CACNA2D3: variants seen among roughly 807,000 people sequenced by gnomAD.
CACNA2D3 encodes the protein voltage-dependent calcium channel subunit alpha-2/delta-3.
In CACNA2D3, 60 loss-of-function variants were observed where a neutral mutation model predicts 160.6. The ratio of observed to expected loss-of-function variants is 0.37; its 90% CI spans 0.30 to 0.46. CACNA2D3 has a LOEUF of 0.46. Among genes scored for constraint, CACNA2D3 ranks in the 20% least tolerant of loss-of-function variants. The pLI is 1.00. For synonymous variants in CACNA2D3, 558 were observed against 492.9 expected (o/e 1.13, Z -1.75); for missense variants, 1,205 against 1,365.0 (o/e 0.88, Z 1.85).
intron 4 of CACNA2D3, among the ~76,000 whole-genome samples, chr3:54,472,029 C>T (rs1290631586): frequency 6.6e-6 from 1 of 152,142 alleles, no homozygotes; most frequent in Non-Finnish European, 1.5e-5. Context: ...AAAAGGGACT[C>T]CTCCCTAACA....
At chr3:55,008,434 G>A (rs1369631212) in intron 33 of CACNA2D3, among the ~76,000 whole-genome samples, 1 of 152,124 alleles carries the variant, frequency 6.6e-6, no homozygotes, top group Admixed American at 6.6e-5. Flanking sequence ...CAAAAGGGAA[G>A]AATTACATAG....
At position 54,581,727 on chromosome 3, in the gene CACNA2D3, G is replaced by A. The variant is rs1319514223; in HGVS notation, c.889-76G>A. 29 of 1,193,218 alleles carry A rather than the reference G, an allele frequency of 2.4e-5. No homozygotes were observed. In the East Asian group the frequency reaches 3.9e-4, roughly 16 times the overall value. 73.9% of individuals were successfully genotyped at this position (1,193,218 alleles called of 1,614,324 possible). A position where few individuals can be genotyped will look rare whatever the true frequency, so the allele number is the denominator to read the frequency against. Reference sequence around the variant, plus strand: ...TTGTGCCGCTTTTTTGTTTGTGTGCGTACCTCCTTAAATTATTAAGAAGTA... The same window carrying A: ...TTGTGCCGCTTTTTTGTTTGTGTGCATACCTCCTTAAATTATTAAGAAGTA... On this transcript the variant is annotated intron_variant, in intron 8 of 37. Coordinates refer to ENST00000474759, the MANE Select transcript of CACNA2D3 (RefSeq NM_018398.3).
intron 14 of CACNA2D3, among the ~76,000 whole-genome samples, chr3:54,836,604 A>G: frequency 6.6e-6 from 1 of 152,118 alleles, no homozygotes; most frequent in East Asian, 1.9e-4. Flanking sequence ...TAATAAAGTT[A>G]TTATTTAATT....
At chr3:54,265,272 C>T (rs939521824) in intron 2 of CACNA2D3, among the ~76,000 whole-genome samples, 1 of 152,134 alleles carries the variant, frequency 6.6e-6, no homozygotes, top group African/African-American at 2.4e-5. Flanking sequence ...TTAATGATTA[C>T]TATTCTAACA....
At chr3:54,159,339 G>A (rs1441683380) in intron 2 of CACNA2D3, among the ~76,000 whole-genome samples, 1 of 151,598 alleles carries the variant, frequency 6.6e-6, no homozygotes, top group Non-Finnish European at 1.5e-5. Context: ...GTGATCATTT[G>A]GTATGTACAA....
intron 27 of CACNA2D3, among the ~76,000 whole-genome samples, chr3:54,955,065 C>T (rs1047714116): frequency 3.9e-5 from 6 of 152,026 alleles, no homozygotes; most frequent in African/African-American, 1.2e-4. Context: ...GACAAAAGAC[C>T]GATTAGTAGG....
chr3:54,797,891 A>C (rs947584734), intron 13 of CACNA2D3, among the ~76,000 whole-genome samples: 5 of 152,228 alleles, frequency 3.3e-5, no homozygotes, highest in African/African-American at 4.8e-5. Flanking sequence ...ATTATTGTTA[A>C]GTAAAAATAA....
At chr3:54,748,269 T>A (rs1273145449) in intron 11 of CACNA2D3, among the ~76,000 whole-genome samples, 1 of 152,224 alleles carries the variant, frequency 6.6e-6, no homozygotes, top group Non-Finnish European at 1.5e-5. Context: ...AAAATTTGAT[T>A]CATTATCTTT....
At chr3:54,166,778 C>T (rs563487690) in intron 2 of CACNA2D3, among the ~76,000 whole-genome samples, 1 of 152,252 alleles carries the variant, frequency 6.6e-6, no homozygotes, top group East Asian at 1.9e-4. Flanking sequence ...ATGAGACTTC[C>T]ATGACAATAT....
At chr3:54,584,108 A>C (rs993728385) in intron 9 of CACNA2D3, among the ~76,000 whole-genome samples, 4 of 152,148 alleles carry the variant, frequency 2.6e-5, no homozygotes, top group African/African-American at 4.8e-5. Context: ...ATGACTGCTA[A>C]GAGAAAAGAT....
At chr3:54,953,734 G>A (rs1351360062) in intron 27 of CACNA2D3, among the ~76,000 whole-genome samples, 3 of 152,200 alleles carry the variant, frequency 2.0e-5, no homozygotes, top group Admixed American at 6.5e-5. Context: ...GGGCAACCTC[G>A]GGCTCCTGCC....
chr3:54,627,985 C>A lies in CACNA2D3; in HGVS notation c.1053+109C>A, dbSNP rs368138598. 5.6e-5 allele frequency: 42 copies of A among 749,710 alleles called. 1 individual carries two copies. Among genetic ancestry groups the A allele is most frequent in the African/African-American group, 3.5e-4 (20 of 57,766 alleles). The allele number at this position is 749,710 out of a possible 1,614,324, so 46.4% of individuals were successfully genotyped here. On this transcript the variant is annotated intron_variant, in intron 10 of 37. Transcript: ENST00000474759. The stretch of plus-strand genomic sequence containing the variant: ...CTGTGGTTCAGACCTTTAATCCCAG[C>A]CCTTTGGGAGGCCGAGATGGGCGGA...
At chr3:54,725,806 A>G (rs1360090988) in intron 11 of CACNA2D3, among the ~76,000 whole-genome samples, 3 of 152,196 alleles carry the variant, frequency 2.0e-5, no homozygotes, top group Non-Finnish European at 4.4e-5. Flanking sequence ...GTCCAATATC[A>G]TACTGAATGG....
intron 2 of CACNA2D3, among the ~76,000 whole-genome samples, chr3:54,216,049 C>T (rs1701457068): frequency 6.6e-6 from 1 of 152,126 alleles, no homozygotes; most frequent in African/African-American, 2.4e-5. Context: ...GTGGTCTTCA[C>T]TGTTCTTGAG....
At chr3:54,529,995 T>C (rs1360182289) in intron 5 of CACNA2D3, among the ~76,000 whole-genome samples, 1 of 152,146 alleles carries the variant, frequency 6.6e-6, no homozygotes, top group African/African-American at 2.4e-5. Context: ...TTGCAGTCCA[T>C]TGTAGACCCA....
At chr3:55,045,318 G>T (rs1333396783) in intron 35 of CACNA2D3, among the ~76,000 whole-genome samples, 1 of 152,176 alleles carries the variant, frequency 6.6e-6, no homozygotes, top group Non-Finnish European at 1.5e-5. Context: ...CCAAAGTGCT[G>T]GGATTACAGG....
At chr3:54,576,311 T>C (rs559615550) in intron 8 of CACNA2D3, among the ~76,000 whole-genome samples, 1 of 152,296 alleles carries the variant, frequency 6.6e-6, no homozygotes, top group Admixed American at 6.5e-5. Flanking sequence ...CACCTGAGCC[T>C]GTGTATGCTG....
In CACNA2D3 at chr3:54,142,191, G is replaced by A. The variant is rs57667949; in HGVS notation, c.204+18597G>A. Among the ~76,000 whole-genome samples, 2,339 of 152,256 alleles carry A rather than the reference G, an allele frequency of 0.015. 156 individuals are homozygous for A. In the East Asian group the frequency reaches 0.23, roughly 15 times the overall value. On this transcript the variant is annotated intron_variant, in intron 2 of 37. Transcript: ENST00000474759. ...TGACCCTTTCCTGTCCTGGTCCAGCGTCACCCTCACTGCTCCTCCTTGTGT... is the reference window on the plus strand; with the variant it reads ...TGACCCTTTCCTGTCCTGGTCCAGCATCACCCTCACTGCTCCTCCTTGTGT...
At chr3:54,768,671 T>C (rs1702264731) in intron 13 of CACNA2D3, among the ~76,000 whole-genome samples, 1 of 152,210 alleles carries the variant, frequency 6.6e-6, no homozygotes, top group Non-Finnish European at 1.5e-5. Flanking sequence ...ATCATTCTTA[T>C]TTACTTTAAA....
Sources: gnomAD v4.1 joint callset for allele counts (sites outside exome capture counted in the v4.1 genomes callset) on GRCh38, gnomAD v4.1.1 for gene constraint, MANE v1.5 for transcripts, NCBI Gene and HGNC (gene_info 2026-07-23, HGNC 2026-07-21) for gene names.